The following ANKRD11 variants were observed in gnomAD, a reference collection of about 807,000 sequenced individuals.
The protein encoded by ANKRD11 is ankyrin repeat domain 11, also known as ankyrin repeat domain-containing protein 11.
ANKRD11 carries 17 observed loss-of-function variants against 195.7 expected under a neutral mutation model. The ratio of observed to expected loss-of-function variants is 0.09; its 90% CI spans 0.06 to 0.13. The LOEUF (loss-of-function observed/expected upper bound fraction) is 0.13, where lower values mean the gene tolerates loss of function less well. ANKRD11 is among the 10% of genes least tolerant of loss of function. ANKRD11 has a pLI of 1.00. For missense variants in ANKRD11, 3,735 were observed against 3,566.1 expected, an observed-to-expected ratio of 1.05 and a Z score of -1.21; for synonymous variants, 1,953 against 1,528.1, an observed-to-expected ratio of 1.28 and a Z score of -6.49.
At chr16:89,451,446 C>CT (rs2044070841) in intron 1 of ANKRD11, among the ~76,000 whole-genome samples, 1 of 140,470 alleles carries the variant, frequency 7.1e-6, no homozygotes, top group African/African-American at 2.6e-5. Context: ...AAGCCTCACT[C>CT]TGAGGCCCAG....
In ANKRD11 at chr16:89,281,560, G is replaced by A. The variant is rs1447523455; in HGVS notation, c.4982C>T (p.Pro1661Leu). Residue 1661 changes from proline (P) to leucine (L), a missense_variant, in exon 9 of 13, where the codon CCA becomes CTA. Coordinates refer to ENST00000301030, the MANE Select transcript of ANKRD11 (RefSeq NM_013275.6). This position sits in a 1 kb window ranked among gnomAD's most constrained non-coding sequence, Gnocchi z 5.5. ...DKKLKESTPI[P>L]PAAENKLHPA... ...GTGTAGCTTATTTTCCGCGGCAGGT[G>A]GAATAGGAGTCGACTCTTTGAGCTT... 3.1e-6 allele frequency: 5 copies of A among 1,614,122 alleles called. No individual in the cohort carries two copies. The African/African-American group carries it at 4.0e-5, about 13-fold the overall frequency.
chr16:89,364,926 C>A (rs546063130), intron 2 of ANKRD11, among the ~76,000 whole-genome samples: 1 of 152,348 alleles, frequency 6.6e-6, no homozygotes, highest in East Asian at 1.9e-4. Context: ...CCTGTGAGAT[C>A]ATTTCTTACA....
In ANKRD11 at chr16:89,285,507, G is replaced by C; in HGVS notation, c.1035C>G (p.Asp345Glu). Reference sequence around the variant, plus strand: ...CGTCGTCCTCATCAAACTCATACTCGTCCTTGACGGGGGCCGTGGCCTTCT... The same window carrying C: ...CGTCGTCCTCATCAAACTCATACTCCTCCTTGACGGGGGCCGTGGCCTTCT... Reference protein sequence around the residue: ...EPQKATAPVKDEYEFDEDDEQ... With the variant: ...EPQKATAPVKEEYEFDEDDEQ... The change falls in exon 9 of 13, where the codon GAC becomes GAG. Residue 345 changes from aspartate to glutamate, a missense_variant. Transcript: ENST00000301030. The surrounding 1 kb of genome is among the most constrained non-coding windows in gnomAD (Gnocchi z 5.6). 6.2e-7 allele frequency: 1 copy of C among 1,614,082 alleles called. No homozygotes were observed.
At position 89,285,781 on chromosome 16, in the gene ANKRD11, G is replaced by A. The variant is rs913177118; in HGVS notation, c.893-132C>T. 6 of 1,145,772 alleles carry A rather than the reference G, an allele frequency of 5.2e-6. No individual in the cohort carries two copies. The highest frequency in any genetic ancestry group is 2.0e-5 in the Admixed American group (1 of 50,634). The allele number at this position is 1,145,772 out of a possible 1,614,324, so 71.0% of individuals were successfully genotyped here. ...CTGCCTCTGCAGAGACACTTTGCTCGACTCATGGAAACCAGCCACAGGCAG... is the reference window on the plus strand; with the variant it reads ...CTGCCTCTGCAGAGACACTTTGCTCAACTCATGGAAACCAGCCACAGGCAG... On this transcript the variant is annotated intron_variant, in intron 8 of 12. Coordinates refer to ENST00000301030, the MANE Select transcript of ANKRD11 (RefSeq NM_013275.6). The surrounding 1 kb of genome is among the most constrained non-coding windows in gnomAD (Gnocchi z 5.6).
At chr16:89,453,065 T>C (rs941945425) in intron 1 of ANKRD11, among the ~76,000 whole-genome samples, 10 of 152,184 alleles carry the variant, frequency 6.6e-5, no homozygotes, top group Non-Finnish European at 1.2e-4. Flanking sequence ...GGATGACAGA[T>C]GTAAGCCACC....
chr16:89,466,745 G>T (rs996675745), intron 1 of ANKRD11, among the ~76,000 whole-genome samples: 2 of 152,182 alleles, frequency 1.3e-5, no homozygotes, highest in Non-Finnish European at 2.9e-5. Context: ...CCACATGTTC[G>T]ACATGGAAAA....
chr16:89,473,615 A>G (rs1316643994), intron 1 of ANKRD11, among the ~76,000 whole-genome samples: 1 of 152,234 alleles, frequency 6.6e-6, no homozygotes, highest in Non-Finnish European at 1.5e-5. Context: ...AGGAGAGAGA[A>G]GAGACGCACC....
intron 4 of ANKRD11, among the ~76,000 whole-genome samples, chr16:89,304,807 T>C (rs1390629162): frequency 6.6e-6 from 1 of 152,192 alleles, no homozygotes; most frequent in East Asian, 1.9e-4. Context: ...CTTTTAGGGC[T>C]CCCTTTGGTT....
chr16:89,268,746 C>T lies in ANKRD11; in HGVS notation c.7807-83G>A. The T allele has an allele frequency of 2.0e-6, 3 of 1,495,166 alleles. No individual in the cohort carries two copies. The South Asian group carries it at 3.7e-5, about 18-fold the overall frequency. 92.6% of individuals were successfully genotyped at this position (1,495,166 alleles called of 1,614,324 possible). A position where few individuals can be genotyped will look rare whatever the true frequency, so the allele number is the denominator to read the frequency against. ...CTGCCGACCTCAGCTGCCAGCAGGG[C>T]CAAGGGCGTGATACGGCCGTGAACC... On this transcript the variant is annotated intron_variant, in intron 12 of 12. Coordinates refer to ENST00000301030, the MANE Select transcript of ANKRD11 (RefSeq NM_013275.6).
At chr16:89,318,213 C>A (rs917146688) in intron 2 of ANKRD11, among the ~76,000 whole-genome samples, 1 of 152,176 alleles carries the variant, frequency 6.6e-6, no homozygotes, top group Non-Finnish European at 1.5e-5. Context: ...CTTCCCCACG[C>A]CACGCCTGGC....
chr16:89,274,633 C>T, intron 11 of ANKRD11, 181 bp downstream of exon 11: 1 of 912,010 alleles, frequency 1.1e-6, no homozygotes, highest in South Asian at 1.5e-5. Flanking sequence ...CTGCTGCAGC[C>T]TTCTTGGCTC....
intron 3 of ANKRD11, among the ~76,000 whole-genome samples, chr16:89,315,356 T>C (rs989133294): frequency 6.6e-6 from 1 of 151,874 alleles, no homozygotes; most frequent in African/African-American, 2.4e-5. Context: ...ATCCCAACAC[T>C]CTGACTGCTT....
At chr16:89,419,074 A>T (rs565559941) in intron 1 of ANKRD11, among the ~76,000 whole-genome samples, 1 of 152,178 alleles carries the variant, frequency 6.6e-6, no homozygotes, top group Non-Finnish European at 1.5e-5. Context: ...AACTACATAA[A>T]AGGTGCAAAA....
chr16:89,451,241 G>A (rs750866116), intron 1 of ANKRD11, among the ~76,000 whole-genome samples: 37 of 152,156 alleles, frequency 2.4e-4, no homozygotes, highest in East Asian at 7.7e-4. Flanking sequence ...AGGGTGTTTC[G>A]GGTTTTTGTT....
chr16:89,278,906 T>G, intron 9 of ANKRD11, 166 bp downstream of exon 9: 1 of 1,197,536 alleles, frequency 8.4e-7, no homozygotes, highest in Non-Finnish European at 1.2e-6. Flanking sequence ...AGCTTCCGGC[T>G]TTTGCCTCCA....
intron 1 of ANKRD11, among the ~76,000 whole-genome samples, chr16:89,435,183 A>G (rs2043160457): frequency 6.6e-6 from 1 of 152,190 alleles, no homozygotes; most frequent in Admixed American, 6.5e-5. Context: ...ACTCTGTAAA[A>G]ACGCACCAAT....
At chr16:89,318,960 C>A (rs1251829982) in intron 2 of ANKRD11, among the ~76,000 whole-genome samples, 3 of 152,174 alleles carry the variant, frequency 2.0e-5, no homozygotes, top group African/African-American at 7.2e-5. Context: ...CACCACAAAA[C>A]CGGAATGTCT....
chr16:89,450,619 T>C (rs1393624355), intron 1 of ANKRD11, among the ~76,000 whole-genome samples: 1 of 152,204 alleles, frequency 6.6e-6, no homozygotes, highest in Non-Finnish European at 1.5e-5. Flanking sequence ...TCTCTTTCGC[T>C]ATGCATACAT....
intron 2 of ANKRD11, among the ~76,000 whole-genome samples, chr16:89,415,534 G>A (rs1178434741): frequency 6.6e-6 from 1 of 151,742 alleles, no homozygotes; most frequent in Admixed American, 6.6e-5. Flanking sequence ...AAAGTGCTGG[G>A]ATTACAGGTG....
Sources: allele counts gnomAD v4.1 joint callset (sites outside exome capture counted in the v4.1 genomes callset), GRCh38; gene constraint gnomAD v4.1.1; non-coding constraint Gnocchi (gnomAD v3.1); transcripts MANE v1.5; gene names NCBI Gene and HGNC (gene_info 2026-07-23, HGNC 2026-07-21).